KLHL29: variants seen among roughly 807,000 people sequenced by gnomAD.
KLHL29 encodes the protein kelch like family member 29.
A neutral mutation model predicts 80.4 loss-of-function variants in KLHL29; 21 were observed. That is an observed-to-expected ratio of 0.26 (90% CI 0.19 to 0.38). KLHL29 has a LOEUF of 0.38. Ranked by LOEUF, KLHL29 falls within the 10% of genes least tolerant of loss-of-function variation. The pLI is 1.00. For missense variants in KLHL29, 867 were observed against 1,223.9 expected (o/e 0.71, Z 4.35); for synonymous variants, 511 against 526.8 (o/e 0.97, Z 0.41).
chr2:23,441,977 A>G (rs1485038757), intron 1 of KLHL29, among the ~76,000 whole-genome samples: 1 of 152,178 alleles, frequency 6.6e-6, no homozygotes, highest in Non-Finnish European at 1.5e-5. Flanking sequence ...AATCGCAGAA[A>G]ACTGAGTATG....
intron 3 of KLHL29, among the ~76,000 whole-genome samples, chr2:23,583,026 C>T (rs747177577): frequency 5.3e-5 from 8 of 152,100 alleles, no homozygotes; most frequent in East Asian, 1.9e-4. Flanking sequence ...CACGTGAAGA[C>T]GGAGCAGAGA....
chr2:23,706,465 C>T lies in KLHL29; in HGVS notation c.2445-16C>T, dbSNP rs140192578. ...GAAGTGAAATGCCTAACTCTGTCCC[C>T]GCTTTCCCCCAACAGTGCTGTGGTG... On this transcript the variant is annotated splice_polypyrimidine_tract_variant and intron_variant, in intron 13 of 13. Transcript: ENST00000486442. 96 of 1,461,418 alleles carry T rather than the reference C, an allele frequency of 6.6e-5. No individual in the cohort carries two copies. The highest frequency in any genetic ancestry group is 5.7e-4 in the African/African-American group (40 of 70,378). 90.5% of individuals were successfully genotyped at this position (1,461,418 alleles called of 1,614,324 possible).
At chr2:23,456,575 G>A (rs1043567761) in intron 1 of KLHL29, among the ~76,000 whole-genome samples, 20 of 152,262 alleles carry the variant, frequency 1.3e-4, no homozygotes, top group Non-Finnish European at 2.4e-4. Flanking sequence ...CACGAGTGAG[G>A]AGCCGGAAAC....
chr2:23,529,691 G>T (rs1572381095), intron 2 of KLHL29, among the ~76,000 whole-genome samples: 1 of 152,170 alleles, frequency 6.6e-6, no homozygotes, highest in Non-Finnish European at 1.5e-5. Flanking sequence ...GGGCTGGTTT[G>T]GGGAGTAGAG....
At position 23,553,257 on chromosome 2, in the gene KLHL29, C is replaced by T. The variant is rs146103416; in HGVS notation, c.-45-8895C>T. ...GCCCTGGCTGAGTGGGGCCTGATGG[C>T]GAGGTGGCTGGTGAGGACTGGGGGC... On this transcript the variant is annotated intron_variant, in intron 2 of 13. Coordinates refer to ENST00000486442, the MANE Select transcript of KLHL29 (RefSeq NM_052920.2). Among the ~76,000 whole-genome samples, 16 of 152,288 alleles carry T rather than the reference C, an allele frequency of 1.1e-4. 1 individual carries two copies. The East Asian group carries it at 2.3e-3, about 22-fold the overall frequency.
intron 2 of KLHL29, among the ~76,000 whole-genome samples, chr2:23,515,587 C>T (rs1175029549): frequency 6.6e-6 from 1 of 152,186 alleles, no homozygotes; most frequent in African/African-American, 2.4e-5. Context: ...TAAAGGTCCA[C>T]CCTTAAAGGC....
chr2:23,519,903 GA>G (rs34652618), intron 2 of KLHL29, among the ~76,000 whole-genome samples: 88,883 of 152,034 alleles, frequency 0.58, 27,047 homozygotes, highest in Non-Finnish European at 0.68. Flanking sequence ...GAGGCAATCA[GA>G]TATGAATCTA....
chr2:23,509,157 C>T (rs1665696252), intron 2 of KLHL29, among the ~76,000 whole-genome samples: 1 of 152,224 alleles, frequency 6.6e-6, no homozygotes, highest in Non-Finnish European at 1.5e-5. Flanking sequence ...AAGAGAAGGG[C>T]TCAGGGCAGG....
intron 2 of KLHL29, among the ~76,000 whole-genome samples, chr2:23,516,344 G>C (rs1665925954): frequency 6.6e-6 from 1 of 152,000 alleles, no homozygotes; most frequent in Non-Finnish European, 1.5e-5. Flanking sequence ...CAAGGCCAAG[G>C]GTCATGATTT....
chr2:23,551,078 G>A (rs17445645), intron 2 of KLHL29, among the ~76,000 whole-genome samples: 35,823 of 152,172 alleles, frequency 0.24, 4,854 homozygotes, highest in Non-Finnish European at 0.29. Flanking sequence ...TTGGTTATTC[G>A]TAATGACAAC....
chr2:23,527,262 G>A (rs1004127172), intron 2 of KLHL29, among the ~76,000 whole-genome samples: 7 of 152,124 alleles, frequency 4.6e-5, no homozygotes, highest in African/African-American at 1.4e-4. Context: ...CCTTAAATGC[G>A]ACCTGCTTCT....
intron 1 of KLHL29, among the ~76,000 whole-genome samples, chr2:23,389,831 AAGAT>A (rs1234143318): frequency 3.9e-5 from 6 of 152,180 alleles, no homozygotes; most frequent in Admixed American, 2.6e-4. Flanking sequence ...GTTTGTGTAG[AAGAT>A]AGTCAGTTTT....
At chr2:23,605,150 C>CACCCAGAT (rs1184045336) in intron 3 of KLHL29, among the ~76,000 whole-genome samples, 1 of 129,042 alleles carries the variant, frequency 7.7e-6, no homozygotes, top group East Asian at 2.5e-4. Flanking sequence ...TTCACCCTGT[C>CACCCAGAT]ACCCAGATTG....
rs1666138059 is a variant in KLHL29, at chr2:23,385,208, A to C, written c.-726A>C. The C allele has an allele frequency of 6.7e-6, 1 of 148,788 alleles. No homozygotes were observed. Among genetic ancestry groups the C allele is most frequent in the African/African-American group, 2.4e-5 (1 of 40,908 alleles). 9.2% of individuals were successfully genotyped at this position (148,788 alleles called of 1,614,324 possible). ...GGTACCCGGAGCGGAGCGAGCCAGA[A>C]GGGAGCATGGTCCCCGCGCCGCGGC... is the stretch of plus-strand genomic sequence containing the variant. On this transcript the variant is annotated 5_prime_UTR_variant, in exon 1 of 14. Transcript: ENST00000486442.
At chr2:23,435,848 AG>A (rs1244446035) in intron 1 of KLHL29, among the ~76,000 whole-genome samples, 1 of 150,922 alleles carries the variant, frequency 6.6e-6, no homozygotes, top group African/African-American at 2.4e-5. Context: ...GAATGGCCCC[AG>A]GCTGTTGTGC....
At chr2:23,575,556 G>A (rs1164271217) in intron 3 of KLHL29, among the ~76,000 whole-genome samples, 1 of 152,186 alleles carries the variant, frequency 6.6e-6, no homozygotes, top group African/African-American at 2.4e-5. Flanking sequence ...ACCCTCCCCA[G>A]TCTCACAATT....
chr2:23,495,205 G>A (rs909466343), intron 2 of KLHL29, among the ~76,000 whole-genome samples: 3 of 152,142 alleles, frequency 2.0e-5, no homozygotes, highest in Non-Finnish European at 4.4e-5. Flanking sequence ...CCATTTTTAA[G>A]GGAAATGGTA....
chr2:23,506,483 G>A (rs1047934745), intron 2 of KLHL29, among the ~76,000 whole-genome samples: 22 of 152,200 alleles, frequency 1.4e-4, no homozygotes, highest in Admixed American at 3.9e-4. Flanking sequence ...CACTGCTCCT[G>A]TAGGGTCTTT....
chr2:23,693,154 A>G, intron 7 of KLHL29, 115 bp from the exon 8 acceptor site: 7 of 1,141,964 alleles, frequency 6.1e-6, no homozygotes, highest in Non-Finnish European at 7.9e-6. Flanking sequence ...TGGACACTGC[A>G]GTCAGGGTCC....
Sources: gnomAD v4.1 joint callset for allele counts (sites outside exome capture counted in the v4.1 genomes callset) on GRCh38, gnomAD v4.1.1 for gene constraint, MANE v1.5 for transcripts, NCBI Gene and HGNC (gene_info 2026-07-23, HGNC 2026-07-21) for gene names.